The following ITFG1 variants were observed in gnomAD, a reference collection of about 807,000 sequenced individuals.
ITFG1 encodes T-cell immunomodulatory protein.
Under a neutral mutation model 81.8 loss-of-function variants are expected in ITFG1, and 34 were observed. The observed-to-expected ratio is 0.42, with a 90% CI of 0.32 to 0.55. The LOEUF is 0.55. ITFG1 is among the 20% of genes least tolerant of loss of function. ITFG1 has a pLI of 0.17. For synonymous variants in ITFG1, 285 were observed against 270.6 expected, an observed-to-expected ratio of 1.05 and a Z score of -0.52; for missense variants, 672 against 755.4, an observed-to-expected ratio of 0.89 and a Z score of 1.29.
chr16:47,268,892 A>G (rs1232921520), intron 10 of ITFG1, among the ~76,000 whole-genome samples: 1 of 152,254 alleles, frequency 6.6e-6, no homozygotes, highest in Non-Finnish European at 1.5e-5. Flanking sequence ...AGTTTAACAA[A>G]CGAAAAAAAG....
chr16:47,218,199 C>T (rs1182794009), intron 14 of ITFG1: 1 of 152,106 alleles, frequency 6.6e-6, no homozygotes, highest in Non-Finnish European at 1.5e-5. Flanking sequence ...TATACTTCTT[C>T]ATGGTTAAAA....
Position 47,222,562 on chromosome 16 carries a change from C to T in ITFG1, c.1375-3616G>A, listed in dbSNP as rs1272946945. Among the ~76,000 whole-genome samples, 14 of 152,112 alleles carry T rather than the reference C, an allele frequency of 9.2e-5. No individual in the cohort carries two copies. In the South Asian group the frequency reaches 1.9e-3, roughly 20 times the overall value. ...CCGAGTAGCTGGGACTACAGGCACC[C>T]GCCACCAGGCCCGGCTAATTTTTTA... On this transcript the variant is annotated intron_variant, in intron 13 of 17. Transcript: ENST00000320640.
chr16:47,352,428 C>A (rs1482953430), intron 8 of ITFG1, among the ~76,000 whole-genome samples: 1 of 152,168 alleles, frequency 6.6e-6, no homozygotes. Context: ...CAAAAGAAGA[C>A]ATTTATGCAG....
rs376293461 is a variant in ITFG1, at chr16:47,162,537, C to T, written c.1578+3G>A. On this transcript the variant is annotated splice_donor_region_variant and intron_variant, in intron 15 of 17. Transcript: ENST00000320640. ...ATTGTAAACAAAATGAATTTTTACT[C>T]ACTTTTTCTCCAGATGGACGGGGAA... 2.5e-6 allele frequency: 4 copies of T among 1,593,406 alleles called. No homozygotes were observed. The highest frequency in any genetic ancestry group is 1.2e-5 in the South Asian group (1 of 86,260).
At chr16:47,274,504 C>G (rs1966377228) in intron 10 of ITFG1, among the ~76,000 whole-genome samples, 1 of 152,110 alleles carries the variant, frequency 6.6e-6, no homozygotes, top group African/African-American at 2.4e-5. Context: ...ACAGATGTAA[C>G]ACAATTAGCC....
chr16:47,326,000 T>A (rs1270797584), intron 8 of ITFG1, among the ~76,000 whole-genome samples: 1 of 151,986 alleles, frequency 6.6e-6, no homozygotes, highest in African/African-American at 2.4e-5. Flanking sequence ...CTGATAACAA[T>A]GCCTGGCAGA....
intron 12 of ITFG1, among the ~76,000 whole-genome samples, chr16:47,244,860 G>A (rs1208395389): frequency 6.6e-6 from 1 of 152,058 alleles, no homozygotes; most frequent in Admixed American, 6.6e-5. Context: ...ACATGTGAGA[G>A]CACACTGAGA....
intron 6 of ITFG1, among the ~76,000 whole-genome samples, chr16:47,382,841 A>G (rs556964129): frequency 3.3e-5 from 5 of 152,354 alleles, no homozygotes; most frequent in Admixed American, 2.6e-4. Context: ...AGGGTTATTA[A>G]CAAATGAGGA....
At chr16:47,179,509 T>C (rs796099371) in intron 14 of ITFG1, among the ~76,000 whole-genome samples, 22 of 152,274 alleles carry the variant, frequency 1.4e-4, no homozygotes, top group African/African-American at 3.9e-4. Flanking sequence ...TGTGAGGGGA[T>C]TGAAATGTTC....
At chr16:47,309,372 T>C (rs895832880) in intron 10 of ITFG1, among the ~76,000 whole-genome samples, 1 of 152,174 alleles carries the variant, frequency 6.6e-6, no homozygotes, top group Non-Finnish European at 1.5e-5. Flanking sequence ...GCCTGGCCTA[T>C]TAACATAACT....
chr16:47,176,131 A>G (rs1034013701), intron 14 of ITFG1, among the ~76,000 whole-genome samples: 7 of 152,204 alleles, frequency 4.6e-5, no homozygotes, highest in African/African-American at 1.4e-4. Context: ...AAGAATATGA[A>G]AAAGACACTG....
chr16:47,244,560 T>A (rs1277297638), intron 12 of ITFG1, among the ~76,000 whole-genome samples: 1 of 151,674 alleles, frequency 6.6e-6, no homozygotes, highest in African/African-American at 2.4e-5. Context: ...CTGTCTCTTA[T>A]GTTATGCATA....
chr16:47,161,847 T>A lies in ITFG1; in HGVS notation c.1579-15A>T. 7.1e-7 allele frequency: 1 copy of A among 1,414,196 alleles called. No homozygotes were observed. The highest frequency in any genetic ancestry group is 1.0e-6 in the Non-Finnish European group (1 of 998,342). The allele number at this position is 1,414,196 out of a possible 1,614,324, so 87.6% of individuals were successfully genotyped here. A position where few individuals can be genotyped will look rare whatever the true frequency, so the allele number is the denominator to read the frequency against. The stretch of plus-strand genomic sequence containing the variant: ...TTTCGTATAGACTGGAAGAAGAATT[T>A]AAGAACATTTAACATTCAGCACATT... On this transcript the variant is annotated splice_polypyrimidine_tract_variant and intron_variant, in intron 15 of 17. Coordinates refer to ENST00000320640, the MANE Select transcript of ITFG1 (RefSeq NM_030790.5).
intron 6 of ITFG1, among the ~76,000 whole-genome samples, chr16:47,423,996 TCTC>T (rs1332951586): frequency 6.6e-6 from 1 of 152,210 alleles, no homozygotes; most frequent in African/African-American, 2.4e-5. Flanking sequence ...TTGGGGAAGT[TCTC>T]CTGGATAATA....
intron 6 of ITFG1, among the ~76,000 whole-genome samples, chr16:47,422,103 A>C (rs998330202): frequency 1.3e-5 from 2 of 152,144 alleles, no homozygotes; most frequent in Non-Finnish European, 2.9e-5. Flanking sequence ...GTTGGTTCCA[A>C]GTCTTTGCTA....
At chr16:47,264,029 T>A (rs778467147) in intron 10 of ITFG1, among the ~76,000 whole-genome samples, 8 of 152,214 alleles carry the variant, frequency 5.3e-5, no homozygotes, top group Non-Finnish European at 5.9e-5. Flanking sequence ...TGCTTCTTTT[T>A]AGTCAGTTTC....
intron 16 of ITFG1, among the ~76,000 whole-genome samples, chr16:47,159,675 G>A (rs1209408692): frequency 6.6e-6 from 1 of 152,062 alleles, no homozygotes; most frequent in Non-Finnish European, 1.5e-5. Context: ...CACCCTGAAA[G>A]CCTAAAACTA....
chr16:47,311,716 G>T (rs898683856), intron 9 of ITFG1, among the ~76,000 whole-genome samples: 1 of 152,044 alleles, frequency 6.6e-6, no homozygotes, highest in Non-Finnish European at 1.5e-5. Context: ...TACACATCTA[G>T]TCAGATTACA....
At chr16:47,279,518 A>G (rs1966431778) in intron 10 of ITFG1, among the ~76,000 whole-genome samples, 1 of 152,108 alleles carries the variant, frequency 6.6e-6, no homozygotes, top group African/African-American at 2.4e-5. Context: ...CCAATACCAC[A>G]CTGTCTTGAT....
Sources: gnomAD v4.1 joint callset for allele counts (sites outside exome capture counted in the v4.1 genomes callset) on GRCh38, gnomAD v4.1.1 for gene constraint, MANE v1.5 for transcripts, NCBI Gene and HGNC (gene_info 2026-07-23, HGNC 2026-07-21) for gene names.